The following TTC28 variants were observed in gnomAD, a reference collection of about 807,000 sequenced individuals.
TTC28 encodes the protein tetratricopeptide repeat domain 28.
Under a neutral mutation model 198.0 loss-of-function variants are expected in TTC28, and 61 were observed. The observed-to-expected ratio is 0.31, with a 90% CI of 0.25 to 0.38. The LOEUF is 0.38. TTC28 is among the 10% of genes least tolerant of loss of function. TTC28 has a pLI of 1.00. For missense variants in TTC28, 2,678 were observed against 3,164.0 expected, an observed-to-expected ratio of 0.85 and a Z score of 3.69; for synonymous variants, 1,171 against 1,297.8, an observed-to-expected ratio of 0.90 and a Z score of 2.10.
intron 2 of TTC28, among the ~76,000 whole-genome samples, chr22:28,520,429 C>T (rs1328556301): frequency 1.3e-5 from 2 of 152,106 alleles, no homozygotes; most frequent in African/African-American, 4.8e-5. Context: ...CTCTGACCAA[C>T]ACTCAACTCA....
At chr22:28,066,767 T>G (rs1201015987) in intron 12 of TTC28, among the ~76,000 whole-genome samples, 7 of 152,154 alleles carry the variant, frequency 4.6e-5, no homozygotes, top group Non-Finnish European at 1.5e-5. Context: ...TGGCCCTGGC[T>G]ACAGGGTGGG....
intron 1 of TTC28, among the ~76,000 whole-genome samples, chr22:28,660,713 G>A (rs554624694): frequency 4.6e-5 from 7 of 152,030 alleles, no homozygotes; most frequent in Admixed American, 3.3e-4. Context: ...CAGTAGAGAC[G>A]GGGTTTCACA....
At chr22:28,193,674 T>C (rs750680635) in intron 5 of TTC28, among the ~76,000 whole-genome samples, 17 of 152,080 alleles carry the variant, frequency 1.1e-4, no homozygotes, top group South Asian at 4.2e-4. Context: ...CCAACAAAGA[T>C]TGAAAGACAC....
chr22:28,407,751 T>C (rs530987143), intron 2 of TTC28, among the ~76,000 whole-genome samples: 1 of 152,342 alleles, frequency 6.6e-6, no homozygotes, highest in East Asian at 1.9e-4. Context: ...AATACAGGGA[T>C]AGAATCACTC....
At chr22:28,452,266 T>TGTAG (rs2047791145) in intron 2 of TTC28, among the ~76,000 whole-genome samples, 2 of 151,894 alleles carry the variant, frequency 1.3e-5, no homozygotes, top group Admixed American at 1.3e-4. Context: ...GGCATGCACC[T>TGTAG]GTAGTCCCAG....
At chr22:28,147,343 G>A (rs1943492176) in intron 6 of TTC28, among the ~76,000 whole-genome samples, 1 of 152,186 alleles carries the variant, frequency 6.6e-6, no homozygotes, top group Admixed American at 6.5e-5. Flanking sequence ...CAGTGTATGA[G>A]CAGCCACGTT....
intron 5 of TTC28, among the ~76,000 whole-genome samples, chr22:28,269,466 T>C (rs1426110922): frequency 6.6e-6 from 1 of 152,178 alleles, no homozygotes; most frequent in Non-Finnish European, 1.5e-5. Flanking sequence ...TTTAGCAACA[T>C]TTAACAACAC....
At chr22:28,641,896 AAATGGAG>A (rs1423848070) in intron 1 of TTC28, among the ~76,000 whole-genome samples, 7 of 152,298 alleles carry the variant, frequency 4.6e-5, no homozygotes, top group African/African-American at 1.4e-4. Context: ...AGGAGATAAT[AAATGGAG>A]CTAAAGTTCT....
intron 10 of TTC28, 139 bp from the exon 11 acceptor site, chr22:28,096,547 T>A: frequency 2.2e-6 from 2 of 894,782 alleles, no homozygotes; most frequent in South Asian, 3.4e-5. Flanking sequence ...TCAGTCACAC[T>A]GCTTCAGATT....
chr22:28,204,558 G>A (rs1926237039), intron 5 of TTC28, among the ~76,000 whole-genome samples: 1 of 151,982 alleles, frequency 6.6e-6, no homozygotes, highest in Admixed American at 6.6e-5. Flanking sequence ...CACACCATGT[G>A]TCCAATACCA....
intron 12 of TTC28, among the ~76,000 whole-genome samples, chr22:28,074,942 A>G (rs1941119652): frequency 6.6e-6 from 1 of 152,160 alleles, no homozygotes; most frequent in African/African-American, 2.4e-5. Flanking sequence ...TCTACTAAAA[A>G]TACAAAAATT....
chr22:28,336,503 C>G (rs1393367436), intron 2 of TTC28, among the ~76,000 whole-genome samples: 1 of 152,144 alleles, frequency 6.6e-6, no homozygotes, highest in African/African-American at 2.4e-5. Context: ...TTAATTATTG[C>G]CTCAATTTGA....
chr22:28,447,270 T>C (rs2047716884), intron 2 of TTC28, among the ~76,000 whole-genome samples: 1 of 152,062 alleles, frequency 6.6e-6, no homozygotes, highest in Admixed American at 6.5e-5. Context: ...ATTGTGAGGA[T>C]TGTAAACCTA....
intron 2 of TTC28, among the ~76,000 whole-genome samples, chr22:28,595,551 GCA>G (rs1209551776): frequency 2.0e-5 from 3 of 152,114 alleles, no homozygotes; most frequent in Non-Finnish European, 2.9e-5. Flanking sequence ...ACAAGATTTT[GCA>G]CAGTGTCCAG....
chr22:28,218,881 T>C (rs1927619434), intron 5 of TTC28, among the ~76,000 whole-genome samples: 1 of 152,022 alleles, frequency 6.6e-6, no homozygotes, highest in South Asian at 2.1e-4. Flanking sequence ...TTGGTGCCAC[T>C]GTCCAGATTC....
rs565639534 is a variant in TTC28, at chr22:28,506,408, C to T, written c.381+123144G>A. On this transcript the variant is annotated intron_variant, in intron 2 of 22. Coordinates refer to ENST00000397906, the MANE Select transcript of TTC28 (RefSeq NM_001145418.2). ...GGTTCTACAGACAGTACTCTGATCTCTCCCTGGGACAGAGCTCCCGGGGGG... is the reference window on the plus strand; with the variant it reads ...GGTTCTACAGACAGTACTCTGATCTTTCCCTGGGACAGAGCTCCCGGGGGG... Among the ~76,000 whole-genome samples the T allele has an allele frequency of 1.3e-5, 2 of 152,300 alleles. 1 individual carries two copies. The highest frequency in any genetic ancestry group is 4.1e-4 in the South Asian group (2 of 4,826).
intron 6 of TTC28, among the ~76,000 whole-genome samples, chr22:28,130,699 C>T (rs1405315265): frequency 6.6e-6 from 1 of 152,190 alleles, no homozygotes; most frequent in Non-Finnish European, 1.5e-5. Flanking sequence ...TTTGGAAAAT[C>T]TGGAGATTCC....
intron 2 of TTC28, among the ~76,000 whole-genome samples, chr22:28,525,077 A>C (rs2048980722): frequency 6.6e-6 from 1 of 152,324 alleles, no homozygotes; most frequent in East Asian, 1.9e-4. Flanking sequence ...TTTTCTTCAT[A>C]CTTAGTATAT....
chr22:28,673,421 A>T (rs926413500), intron 1 of TTC28, among the ~76,000 whole-genome samples: 2 of 152,312 alleles, frequency 1.3e-5, no homozygotes, highest in African/African-American at 4.8e-5. Context: ...TTATTATTGT[A>T]TGTAGCTTCC....
Sources: gnomAD v4.1 joint callset for allele counts (sites outside exome capture counted in the v4.1 genomes callset) on GRCh38, gnomAD v4.1.1 for gene constraint, MANE v1.5 for transcripts, NCBI Gene and HGNC (gene_info 2026-07-23, HGNC 2026-07-21) for gene names.